Variants in SETDB1 observed in about 807,000 individuals in gnomAD.
SETDB1 encodes SET domain bifurcated histone lysine methyltransferase 1.
SETDB1 carries 31 observed loss-of-function variants against 137.4 expected under a neutral mutation model. The ratio of observed to expected loss-of-function variants is 0.23; its 90% confidence interval spans 0.17 to 0.30. SETDB1 has a LOEUF of 0.30. SETDB1 is among the 10% of genes least tolerant of loss of function. The pLI is 1.00. For synonymous variants in SETDB1, 548 were observed against 579.9 expected, an observed-to-expected ratio of 0.95 and a Z score of 0.79; for missense variants, 1,113 against 1,631.5, an observed-to-expected ratio of 0.68 and a Z score of 5.47.
intron 3 of SETDB1, among the ~76,000 whole-genome samples, chr1:150,932,757 TG>T (rs1669799684): frequency 6.6e-6 from 1 of 152,182 alleles, no homozygotes; most frequent in Non-Finnish European, 1.5e-5. Context: ...CTTACAGGAT[TG>T]ATTTTAGACC....
At chr1:150,960,095 A>C (rs1371529036) in intron 15 of SETDB1, among the ~76,000 whole-genome samples, 2 of 151,400 alleles carry the variant, frequency 1.3e-5, no homozygotes, top group Non-Finnish European at 2.9e-5. Context: ...AAAAAAAAAA[A>C]CAGAAATGAG....
chr1:150,944,855 A>T, intron 8 of SETDB1, 63 bp from the exon 9 acceptor site: 6 of 1,571,942 alleles, frequency 3.8e-6, no homozygotes, highest in Non-Finnish European at 5.2e-6. Context: ...CTCCTGGCCA[A>T]GTCTTTTCCC....
intron 2 of SETDB1, among the ~76,000 whole-genome samples, chr1:150,929,062 ATG>A (rs1205499650): frequency 1.3e-5 from 2 of 152,284 alleles, no homozygotes; most frequent in East Asian, 3.9e-4. Context: ...ATACGTGTGC[ATG>A]TGTCTTTATA....
intron 14 of SETDB1, among the ~76,000 whole-genome samples, chr1:150,954,533 G>C (rs1473757579): frequency 2.0e-5 from 3 of 151,982 alleles, no homozygotes; most frequent in Non-Finnish European, 4.4e-5. Context: ...CATAATGAAG[G>C]ATAAAGGTAG....
chr1:150,941,428 G>T lies in SETDB1; in HGVS notation c.547G>T (p.Gly183Ter). 1 of 1,593,198 alleles carries T rather than the reference G, an allele frequency of 6.3e-7. No individual in the cohort carries two copies. The highest frequency in any genetic ancestry group is 1.1e-5 in the South Asian group (1 of 90,616). Residue 183 changes from glycine (G) to a stop codon, truncating the protein, a stop_gained and splice_region_variant, in exon 5 of 22, where the codon GGA becomes TGA. Transcript: ENST00000692827. LOFTEE classifies it high-confidence loss of function. Reference sequence around the variant, plus strand: ...GAGCAGTTCCCAGGATCTGCATAAAGGTTAGGGTCAAGAAATACCTGGGTA... The same window carrying T: ...GAGCAGTTCCCAGGATCTGCATAAATGTTAGGGTCAAGAAATACCTGGGTA... The part of the protein sequence containing the change: ...KKSSSQDLHK[G>*]TLSQMSGELS...
chr1:150,941,071 G>C (rs1051866715), intron 4 of SETDB1, among the ~76,000 whole-genome samples: 1 of 152,108 alleles, frequency 6.6e-6, no homozygotes, highest in African/African-American at 2.4e-5. Flanking sequence ...GCTGAGGCAG[G>C]AGAATCGCTT....
intron 4 of SETDB1, 74 bp downstream of exon 4, chr1:150,940,048 A>C (rs1285213389): frequency 2.0e-5 from 22 of 1,125,544 alleles, no homozygotes; most frequent in Non-Finnish European, 1.7e-5. Flanking sequence ...CTAACCATTT[A>C]ATCAGTTTAG....
chr1:150,961,375 G>C (rs932504522), intron 16 of SETDB1, 184 bp downstream of exon 16: 3 of 633,860 alleles, frequency 4.7e-6, no homozygotes, highest in Non-Finnish European at 8.2e-6. Context: ...ATTATTGACC[G>C]GGCACAGTGG....
rs749130551 is a variant in SETDB1, at chr1:150,961,055, C to T, written c.2996C>T (p.Ser999Phe). 4 of 1,606,732 alleles carry T rather than the reference C, an allele frequency of 2.5e-6. No individual in the cohort carries two copies. The East Asian group carries it at 6.7e-5, about 27-fold the overall frequency. The change falls in exon 16 of 22, where the codon TCT becomes TTT. Residue 999 changes from serine to phenylalanine, a missense_variant. By Grantham distance (155) the Ser-to-Phe change is radical. Around this residue, in one of 11 missense-constraint regions of SETDB1, gnomAD observed 373 missense variants for 412.7 expected, o/e 0.90. Coordinates refer to ENST00000692827, the MANE Select transcript of SETDB1 (RefSeq NM_001366418.1). The part of the protein sequence containing the change: ...NSVSEGGFAD[S>F]DSHSSFKTNE... ...GTCAGTGAAGGTGGTTTTGCTGACT[C>T]TGATAGCCATTCATCCTTCAAGACT...
chr1:150,956,425 T>TG (rs1023390303), intron 14 of SETDB1, among the ~76,000 whole-genome samples: 1 of 151,430 alleles, frequency 6.6e-6, no homozygotes, highest in African/African-American at 2.4e-5. Flanking sequence ...TTTTGTGGAA[T>TG]GAATGAATGA....
At chr1:150,934,721 C>G (rs898580084) in intron 3 of SETDB1, among the ~76,000 whole-genome samples, 2 of 152,086 alleles carry the variant, frequency 1.3e-5, no homozygotes, top group African/African-American at 4.8e-5. Flanking sequence ...AGTTATCATC[C>G]AGTGTCATGT....
chr1:150,940,074 C>A, intron 4 of SETDB1, 100 bp downstream of exon 4: 3 of 795,748 alleles, frequency 3.8e-6, no homozygotes, highest in South Asian at 1.6e-5. Flanking sequence ...AGTATCTAAT[C>A]ATTCACCCTG....
At chr1:150,960,189 C>G (rs1030729759) in intron 15 of SETDB1, among the ~76,000 whole-genome samples, 1 of 151,448 alleles carries the variant, frequency 6.6e-6, no homozygotes, top group African/African-American at 2.4e-5. Context: ...AATAGGTCCC[C>G]GTGGCCGGGT....
chr1:150,949,320 A>T, intron 11 of SETDB1, 42 bp downstream of exon 11: 1 of 1,612,516 alleles, frequency 6.2e-7, no homozygotes, highest in Non-Finnish European at 8.5e-7. Context: ...CTTTCATATT[A>T]TATTTTCCAC....
intron 2 of SETDB1, among the ~76,000 whole-genome samples, chr1:150,929,358 T>TATTTTATTTTA (rs1669648416): frequency 6.7e-6 from 1 of 150,288 alleles, no homozygotes; most frequent in Non-Finnish European, 1.5e-5. Context: ...TAATGAGCAT[T>TATTTTATTTTA]TTTTTATTTT....
At chr1:150,928,408 A>C (rs587694338) in intron 2 of SETDB1, among the ~76,000 whole-genome samples, 1 of 152,330 alleles carries the variant, frequency 6.6e-6, no homozygotes, top group South Asian at 2.1e-4. Context: ...ATACATGATC[A>C]GCAGTAAGGG....
At chr1:150,945,141 G>A (rs1366652419) in intron 9 of SETDB1, 33 bp downstream of exon 9, 3 of 1,613,212 alleles carry the variant, frequency 1.9e-6, no homozygotes, top group African/African-American at 1.3e-5. Flanking sequence ...TGGAGGCAGA[G>A]GTTGGTGGGG....
At chr1:150,953,990 G>A (rs587682622) in intron 14 of SETDB1, among the ~76,000 whole-genome samples, 10 of 151,998 alleles carry the variant, frequency 6.6e-5, no homozygotes, top group Middle Eastern at 3.4e-3. Flanking sequence ...GAGAAGCTGG[G>A]ACTACAGTCG....
intron 2 of SETDB1, 62 bp from the exon 3 acceptor site, chr1:150,929,905 G>C: frequency 7.3e-7 from 1 of 1,372,562 alleles, no homozygotes; most frequent in South Asian, 1.3e-5. Context: ...CATCGTAATG[G>C]ATTCTATATC....
Sources: gnomAD v4.1 joint callset for allele counts (sites outside exome capture counted in the v4.1 genomes callset) on GRCh38, gnomAD v4.1.1 for gene constraint, gnomAD v4.1.1 regional missense constraint, MANE v1.5 for transcripts, NCBI Gene and HGNC (gene_info 2026-07-23, HGNC 2026-07-21) for gene names.